USP36: variants seen among roughly 807,000 people sequenced by gnomAD.
USP36 encodes ubiquitin specific peptidase 36, also known as ubiquitin carboxyl-terminal hydrolase 36.
USP36 carries 59 observed loss-of-function variants against 111.5 expected under a neutral mutation model. The ratio of observed to expected loss-of-function variants is 0.53; its 90% CI spans 0.43 to 0.66. USP36 has a LOEUF of 0.66. USP36 is among the 30% of genes least tolerant of loss of function. The pLI is 0.00. For synonymous variants in USP36, 628 were observed against 581.0 expected (o/e 1.08, Z -1.16); for missense variants, 1,488 against 1,468.0 (o/e 1.01, Z -0.22).
intron 10 of USP36, among the ~76,000 whole-genome samples, chr17:78,816,670 T>C (rs2094197640): frequency 6.6e-6 from 1 of 151,260 alleles, no homozygotes; most frequent in Non-Finnish European, 1.5e-5. Flanking sequence ...AGAGACAGGG[T>C]CTCACTATGT....
chr17:78,826,837 T>C (rs532513803), intron 6 of USP36: 28 of 524,506 alleles, frequency 5.3e-5, no homozygotes, highest in South Asian at 4.7e-4. Context: ...TAAATTATAC[T>C]GCAGAGACCT....
At chr17:78,838,371 C>CAAAAAAAAAAAA (rs1195525371) in intron 2 of USP36, among the ~76,000 whole-genome samples, 31 of 58,462 alleles carry the variant, frequency 5.3e-4, no homozygotes, top group African/African-American at 1.7e-3. Flanking sequence ...GACTTGGTCT[C>CAAAAAAAAAAAA]AAAAAAAAAA....
chr17:78,798,781 TG>T lies in USP36; in HGVS notation c.3240+126del. On this transcript the variant is annotated intron_variant, in intron 19 of 20. Coordinates refer to ENST00000449938, the MANE Select transcript of USP36 (RefSeq NM_001385174.1). The surrounding 1 kb of genome is among the most constrained non-coding windows in gnomAD (Gnocchi z 5.1). ...CCATGGCCACACGCCCGGACAGGCCTGGGCAGCCTGGCTCTTCTCATGCTCG... is the reference window on the plus strand; with the variant it reads ...CCATGGCCACACGCCCGGACAGGCCTGGCAGCCTGGCTCTTCTCATGCTCG... 1 of 1,288,892 alleles carries T rather than the reference TG, an allele frequency of 7.8e-7. No individual in the cohort carries two copies. The highest frequency in any genetic ancestry group is 1.1e-6 in the Non-Finnish European group (1 of 911,148). The allele number at this position is 1,288,892 out of a possible 1,614,324, so 79.8% of individuals were successfully genotyped here.
At chr17:78,822,095 C>T in intron 6 of USP36, 91 bp from the exon 7 acceptor site, 1 of 1,471,648 alleles carries the variant, frequency 6.8e-7, no homozygotes, top group Non-Finnish European at 9.5e-7. Context: ...CCACCAGTCA[C>T]AAGCTCAGCG....
Position 78,806,176 on chromosome 17 carries a change from A to C in USP36, c.2196T>G (p.Thr732=). 1 of 1,613,572 alleles carries C rather than the reference A, an allele frequency of 6.2e-7. No individual in the cohort carries two copies. Reference sequence around the variant, plus strand: ...CTTACCTGGCTCTATGGACGGGCCAAGTGGAGGCAACGACGGGGTGAGAGG... The same window carrying C: ...CTTACCTGGCTCTATGGACGGGCCACGTGGAGGCAACGACGGGGTGAGAGG... ...MKTSHPVVAS[T]WPVHRARAVS... The change falls in exon 15 of 21, where the codon ACT becomes ACG. Residue 732 remains threonine (T), a synonymous_variant. Transcript: ENST00000449938.
At chr17:78,832,908 G>A (rs766093944) in intron 4 of USP36, among the ~76,000 whole-genome samples, 5 of 152,112 alleles carry the variant, frequency 3.3e-5, no homozygotes, top group South Asian at 2.1e-4. Context: ...CAGCACTTTC[G>A]GAGGCAGAGG....
chr17:78,840,569 G>A (rs932507615), intron 1 of USP36, 167 bp downstream of exon 1: 5 of 152,274 alleles, frequency 3.3e-5, no homozygotes, highest in Admixed American at 2.0e-4. Flanking sequence ...GGAGCATCCC[G>A]GGTCCTCCTC....
Position 78,798,282 on chromosome 17 carries a change from T to A in USP36, c.*20+118A>T. ...CCACACACACCACCCAACACACATG[T>A]GCCAGATACACAGCCCACATACATC... On this transcript the variant is annotated intron_variant, in intron 20 of 20. Coordinates refer to ENST00000449938, the MANE Select transcript of USP36 (RefSeq NM_001385174.1). This position sits in a 1 kb window ranked among gnomAD's most constrained non-coding sequence, Gnocchi z 5.1. 7.4e-7 allele frequency: 1 copy of A among 1,344,994 alleles called. No individual in the cohort carries two copies. The highest frequency in any genetic ancestry group is 1.0e-6 in the Non-Finnish European group (1 of 993,406). 83.3% of individuals were successfully genotyped at this position (1,344,994 alleles called of 1,614,324 possible).
chr17:78,799,877 CTTTTTTTTTTT>C lies in USP36; in HGVS notation c.3023-120_3023-110del, dbSNP rs549964435. 383 of 155,584 alleles carry C rather than the reference CTTTTTTTTTTT, an allele frequency of 2.5e-3. 4 individuals carry two copies. The highest frequency in any genetic ancestry group is 0.011 in the African/African-American group (289 of 25,828). 9.6% of individuals were successfully genotyped at this position (155,584 alleles called of 1,614,324 possible). On this transcript the variant is annotated intron_variant, in intron 17 of 20. Transcript: ENST00000449938. The stretch of plus-strand genomic sequence containing the variant: ...CAACTTACAGTAAGTGGATGCTTGC[CTTTTTTTTTTT>C]TTTTTTTTTTTTTTTTTAAAGACAG...
At chr17:78,829,163 G>A (rs910689639) in intron 4 of USP36, among the ~76,000 whole-genome samples, 156 bp from the exon 5 acceptor site, 3 of 152,162 alleles carry the variant, frequency 2.0e-5, no homozygotes, top group Non-Finnish European at 4.4e-5. Context: ...CCAGACCTCT[G>A]CTGACTGGGT....
In USP36 at chr17:78,798,550, T is replaced by A; in HGVS notation, c.3242A>T (p.Glu1081Val). Residue 1081 changes from glutamate to valine, a missense_variant and splice_region_variant, in exon 20 of 21, where the codon GAA (glutamate) becomes GTA (valine). Transcript: ENST00000449938. This position sits in a 1 kb window ranked among gnomAD's most constrained non-coding sequence, Gnocchi z 5.1. The part of the protein sequence containing the change: ...DWDEEFDRGK[E>V]KKIKKFKREK... ...TCTCTTAAATTTTTTAATTTTCTTT[T>A]CCTAGACCAAGAATCACAGGCATCA... The A allele has an allele frequency of 6.2e-7, 1 of 1,613,202 alleles. No individual in the cohort carries two copies. Among genetic ancestry groups the A allele is most frequent in the Non-Finnish European group, 8.5e-7 (1 of 1,179,992 alleles).
At chr17:78,806,808 A>C in intron 14 of USP36, 151 bp downstream of exon 14, 1 of 1,132,642 alleles carries the variant, frequency 8.8e-7, no homozygotes. Flanking sequence ...TTTAATTGCA[A>C]ATGGCTGGGA....
chr17:78,814,669 G>A lies in USP36; in HGVS notation c.1024-117C>T, dbSNP rs977392915. 4.6e-6 allele frequency: 6 copies of A among 1,313,498 alleles called. No individual in the cohort carries two copies. In the African/African-American group the frequency reaches 8.9e-5, roughly 19 times the overall value. 81.4% of individuals were successfully genotyped at this position (1,313,498 alleles called of 1,614,324 possible). On this transcript the variant is annotated intron_variant, in intron 10 of 20. Transcript: ENST00000449938. ...AGCTTGTCTGGTCTTTAACAATTTG[G>A]GGGCCGGGCACAGTGGCTCACGCCT...
Position 78,807,209 on chromosome 17 carries a change from C to T in USP36, c.1835G>A (p.Ser612Asn). The change falls in exon 14 of 21, where the codon AGC becomes AAC. Residue 612 changes from serine (S) to asparagine (N), a missense_variant. Transcript: ENST00000449938. ...GCTGGCCGAGTGCTCTGGGCTGGAGCTGCTGGAGCCCCTCCTGTCGAGGCC... is the reference window on the plus strand; with the variant it reads ...GCTGGCCGAGTGCTCTGGGCTGGAGTTGCTGGAGCCCCTCCTGTCGAGGCC... ...SAGLDRRGSS[S>N]SSPEHSASSD... The T allele has an allele frequency of 6.2e-7, 1 of 1,614,086 alleles. No individual in the cohort carries two copies.
In USP36 at chr17:78,807,199, T is replaced by C. The variant is rs374320288; in HGVS notation, c.1845A>G (p.Pro615=). 8.7e-6 allele frequency: 14 copies of C among 1,614,132 alleles called. No individual in the cohort carries two copies. The East Asian group carries it at 1.1e-4, about 13-fold the overall frequency. The change falls in exon 14 of 21, where the codon CCA becomes CCG. Residue 615 remains proline, a synonymous_variant. Coordinates refer to ENST00000449938, the MANE Select transcript of USP36 (RefSeq NM_001385174.1). Reference sequence around the variant, plus strand: ...TGGAGTCGCTGCTGGCCGAGTGCTCTGGGCTGGAGCTGCTGGAGCCCCTCC... The same window carrying C: ...TGGAGTCGCTGCTGGCCGAGTGCTCCGGGCTGGAGCTGCTGGAGCCCCTCC... ...LDRRGSSSSS[P]EHSASSDSTK... is the part of the protein sequence containing the mutation.
rs1368397679 is a variant in USP36, at chr17:78,806,179, G to A, written c.2193C>T (p.Ser731=). The A allele has an allele frequency of 7.4e-6, 12 of 1,613,460 alleles. No individual in the cohort carries two copies. The highest frequency in any genetic ancestry group is 2.2e-5 in the East Asian group (1 of 44,888). ...ACCTGGCTCTATGGACGGGCCAAGT[G>A]GAGGCAACGACGGGGTGAGAGGTTT... is the stretch of plus-strand genomic sequence containing the variant. ...PMKTSHPVVA[S]TWPVHRARAV... The change falls in exon 15 of 21, where the codon TCC becomes TCT. Residue 731 remains serine, a synonymous_variant. Coordinates refer to ENST00000449938, the MANE Select transcript of USP36 (RefSeq NM_001385174.1).
At chr17:78,799,080 T>G in intron 18 of USP36, 57 bp from the exon 19 acceptor site, 1 of 1,541,490 alleles carries the variant, frequency 6.5e-7, no homozygotes, top group Non-Finnish European at 8.9e-7. Context: ...CCCTGTGGCT[T>G]CACTTCAAGA....
intron 16 of USP36, 118 bp from the exon 17 acceptor site, chr17:78,802,653 C>A: frequency 7.3e-6 from 7 of 953,118 alleles, no homozygotes; most frequent in Non-Finnish European, 1.1e-5. Context: ...CCAGTGCACG[C>A]AGGTCCCTGC....
At chr17:78,832,978 G>T (rs535455560) in intron 4 of USP36, among the ~76,000 whole-genome samples, 5 of 152,004 alleles carry the variant, frequency 3.3e-5, no homozygotes, top group Non-Finnish European at 7.4e-5. Context: ...GTGAAACTTC[G>T]TCTCTACTAA....
Sources: gnomAD v4.1 joint callset for allele counts (sites outside exome capture counted in the v4.1 genomes callset) on GRCh38, gnomAD v4.1.1 for gene constraint, Gnocchi (gnomAD v3.1) non-coding constraint, MANE v1.5 for transcripts, NCBI Gene and HGNC (gene_info 2026-07-23, HGNC 2026-07-21) for gene names.